Variants in WNT3A observed in about 807,000 individuals in gnomAD.
WNT3A encodes Wnt family member 3A.
Under a neutral mutation model 37.0 loss-of-function variants are expected in WNT3A, and 17 were observed. The ratio of observed to expected loss-of-function variants is 0.46; its 90% CI spans 0.31 to 0.69. WNT3A has a LOEUF of 0.69. Among genes scored for constraint, WNT3A ranks in the 30% least tolerant of loss-of-function variants. The pLI is 0.05. For synonymous variants in WNT3A, 187 were observed against 211.0 expected, an observed-to-expected ratio of 0.89 and a Z score of 0.99; for missense variants, 411 against 510.2, an observed-to-expected ratio of 0.81 and a Z score of 1.87.
intron 2 of WNT3A, among the ~76,000 whole-genome samples, chr1:228,034,107 C>A (rs2031081311): frequency 6.6e-6 from 1 of 151,990 alleles, no homozygotes; most frequent in Non-Finnish European, 1.5e-5. Flanking sequence ...ACTAAAAATA[C>A]AAAAATTAGC....
At chr1:228,041,613 C>T (rs1357516442) in intron 2 of WNT3A, among the ~76,000 whole-genome samples, 8 of 152,130 alleles carry the variant, frequency 5.3e-5, no homozygotes, top group Admixed American at 5.2e-4. Context: ...CATCTATCCA[C>T]CCACCCATCC....
At position 228,059,929 on chromosome 1, in the gene WNT3A, C is replaced by T; in HGVS notation, c.*464C>T. 1 of 1,086,116 alleles carries T rather than the reference C, an allele frequency of 9.2e-7. No homozygotes were observed. The highest frequency in any genetic ancestry group is 1.1e-6 in the Non-Finnish European group (1 of 888,042). The allele number at this position is 1,086,116 out of a possible 1,614,324, so 67.3% of individuals were successfully genotyped here. A position where few individuals can be genotyped will look rare whatever the true frequency, so the allele number is the denominator to read the frequency against. On this transcript the variant is annotated 3_prime_UTR_variant, in exon 4 of 4. Transcript: ENST00000284523. ...GGCGGGGCTCTAGGATGGGGCACGG[C>T]TCTGGGGTAGGCTGCTCCCTGAGGG...
chr1:228,055,179 A>AT (rs1409014407), intron 3 of WNT3A, among the ~76,000 whole-genome samples: 14 of 19,186 alleles, frequency 7.3e-4, no homozygotes, highest in Non-Finnish European at 9.5e-4. Context: ...AAAAAAAAAA[A>AT]ATATATATAT....
chr1:228,018,184 C>T (rs1474530439), intron 1 of WNT3A, among the ~76,000 whole-genome samples: 1 of 152,146 alleles, frequency 6.6e-6, no homozygotes, highest in Non-Finnish European at 1.5e-5. Flanking sequence ...CAGAGCCCCT[C>T]CCCCACTCAC....
intron 1 of WNT3A, among the ~76,000 whole-genome samples, chr1:228,016,689 A>G (rs530069510): frequency 6.6e-6 from 1 of 152,328 alleles, no homozygotes; most frequent in South Asian, 2.1e-4. Flanking sequence ...CTGGAAAGAA[A>G]AAAGGTTTAA....
intron 2 of WNT3A, among the ~76,000 whole-genome samples, chr1:228,035,846 G>A (rs947631): frequency 3.3e-5 from 5 of 152,094 alleles, no homozygotes; most frequent in Admixed American, 2.0e-4. Flanking sequence ...CTCCTTCTCC[G>A]CTTCTCTGAT....
Position 228,008,289 on chromosome 1 carries a change from C to T in WNT3A, c.71+1090C>T, listed in dbSNP as rs1056683258. On this transcript the variant is annotated intron_variant, in intron 1 of 3. Transcript: ENST00000284523. This position sits in a 1 kb window ranked among gnomAD's most constrained non-coding sequence, Gnocchi z 4.9. ...AGCATGCACACTCCCCCCCATCCTT[C>T]TCCGACGGCAGCCTGGAATTATAAT... is the stretch of plus-strand genomic sequence containing the variant. 3.3e-5 allele frequency among the ~76,000 whole-genome samples: 5 copies of T among 152,228 alleles called. No homozygotes were observed. The highest frequency in any genetic ancestry group is 5.9e-5 in the Non-Finnish European group (4 of 68,038).
intron 1 of WNT3A, 142 bp from the exon 2 acceptor site, chr1:228,022,525 T>C: frequency 8.9e-7 from 1 of 1,119,922 alleles, no homozygotes; most frequent in South Asian, 1.9e-5. Flanking sequence ...ACTTGCAAAA[T>C]AAAAAATCAG....
Position 228,059,423 on chromosome 1 carries a change from C to T in WNT3A, c.1017C>T (p.Cys339=), listed in dbSNP as rs773895233. ...CVFHWCCYVS[C]QECTRVYDVH... ...TCCACTGGTGCTGCTACGTCAGCTGCCAGGAGTGCACGCGCGTCTACGACG... is the reference window on the plus strand; with the variant it reads ...TCCACTGGTGCTGCTACGTCAGCTGTCAGGAGTGCACGCGCGTCTACGACG... The change falls in exon 4 of 4, where the codon TGC becomes TGT. Residue 339 remains cysteine (C), a synonymous_variant. Coordinates refer to ENST00000284523, the MANE Select transcript of WNT3A (RefSeq NM_033131.4). 1.9e-6 allele frequency: 3 copies of T among 1,543,836 alleles called. No individual in the cohort carries two copies. The South Asian group carries it at 3.7e-5, about 19-fold the overall frequency.
At chr1:228,009,337 A>T (rs1299048559) in intron 1 of WNT3A, among the ~76,000 whole-genome samples, 4 of 152,182 alleles carry the variant, frequency 2.6e-5, no homozygotes, top group African/African-American at 7.2e-5. Context: ...TCACAGAAGG[A>T]CGCAGTGCTG....
chr1:228,022,093 G>GA (rs1305726089), intron 1 of WNT3A, among the ~76,000 whole-genome samples: 1 of 152,154 alleles, frequency 6.6e-6, no homozygotes, highest in Admixed American at 6.5e-5. Flanking sequence ...AAAACATCTA[G>GA]AAAAAATTAA....
Position 228,037,568 on chromosome 1 carries a change from T to C in WNT3A, c.314-13088T>C, listed in dbSNP as rs1253152328. Among the ~76,000 whole-genome samples the C allele has an allele frequency of 6.6e-6, 1 of 152,066 alleles. No individual in the cohort carries two copies. Among genetic ancestry groups the C allele is most frequent in the Non-Finnish European group, 1.5e-5 (1 of 67,982 alleles). The stretch of plus-strand genomic sequence containing the variant: ...GGGGTGGGGCCTGCCTGCTAGGACA[T>C]GGGGACACACAGGGCAGCTCTTTAG... On this transcript the variant is annotated intron_variant, in intron 2 of 3. Coordinates refer to ENST00000284523, the MANE Select transcript of WNT3A (RefSeq NM_033131.4). This position sits in a 1 kb window ranked among gnomAD's most constrained non-coding sequence, Gnocchi z 4.1.
chr1:228,021,917 C>T (rs983208549), intron 1 of WNT3A, among the ~76,000 whole-genome samples: 1 of 152,194 alleles, frequency 6.6e-6, no homozygotes, highest in Non-Finnish European at 1.5e-5. Flanking sequence ...GTGAACGGGG[C>T]CCATGCAGTT....
chr1:228,010,261 T>C (rs865909949), intron 1 of WNT3A, among the ~76,000 whole-genome samples: 5 of 152,186 alleles, frequency 3.3e-5, no homozygotes, highest in African/African-American at 1.2e-4. Context: ...CTTCTTCCCA[T>C]GTCTGGGTTA....
rs1173525337 is a variant in WNT3A, at chr1:228,037,037, G to T, written c.314-13619G>T. The stretch of plus-strand genomic sequence containing the variant: ...GGAGTCCCCCCGGGCCCTGGCACCT[G>T]CCAGATAGGTCGGGGGGAGTGGAGT... On this transcript the variant is annotated intron_variant, in intron 2 of 3. Transcript: ENST00000284523. The surrounding 1 kb of genome is among the most constrained non-coding windows in gnomAD (Gnocchi z 4.1). 6.6e-6 allele frequency among the ~76,000 whole-genome samples: 1 copy of T among 152,144 alleles called. No homozygotes were observed. The highest frequency in any genetic ancestry group is 1.5e-5 in the Non-Finnish European group (1 of 67,996).
Position 228,050,842 on chromosome 1 carries a change from G to A in WNT3A, c.500G>A (p.Arg167Gln), listed in dbSNP as rs1208275108. ...EDIEFGGMVS[R>Q]EFADARENRP... ...ATCGAGTTTGGTGGGATGGTGTCTCGGGAGTTCGCCGACGCCCGGGAGAAC... is the reference window on the plus strand; with the variant it reads ...ATCGAGTTTGGTGGGATGGTGTCTCAGGAGTTCGCCGACGCCCGGGAGAAC... The change falls in exon 3 of 4, where the codon CGG becomes CAG. Residue 167 changes from arginine (R) to glutamine (Q), a missense_variant. Physicochemically the swap from Arg to Gln is conservative, Grantham distance 43 (BLOSUM62 1). Coordinates refer to ENST00000284523, the MANE Select transcript of WNT3A (RefSeq NM_033131.4). This position sits in a 1 kb window ranked among gnomAD's most constrained non-coding sequence, Gnocchi z 5.0. 28 of 1,603,408 alleles carry A rather than the reference G, an allele frequency of 1.7e-5. No homozygotes were observed. The highest frequency in any genetic ancestry group is 1.7e-4 in the Middle Eastern group (1 of 6,000).
At chr1:228,025,450 G>A (rs887656972) in intron 2 of WNT3A, among the ~76,000 whole-genome samples, 2 of 151,972 alleles carry the variant, frequency 1.3e-5, no homozygotes, top group African/African-American at 4.8e-5. Flanking sequence ...CCAGGTTCAA[G>A]CGATCCTCCT....
Position 228,007,086 on chromosome 1 carries a change from T to G in WNT3A, c.-43T>G. The G allele has an allele frequency of 6.9e-7, 1 of 1,459,736 alleles. No homozygotes were observed. The allele number at this position is 1,459,736 out of a possible 1,614,324, so 90.4% of individuals were successfully genotyped here. Reference sequence around the variant, plus strand: ...GCCCGGCCCCCCCCGGCGCTCACGCTCTCGGGGCGGACTCCCGGCCCTCCG... The same window carrying G: ...GCCCGGCCCCCCCCGGCGCTCACGCGCTCGGGGCGGACTCCCGGCCCTCCG... On this transcript the variant is annotated 5_prime_UTR_variant, in exon 1 of 4. Coordinates refer to ENST00000284523, the MANE Select transcript of WNT3A (RefSeq NM_033131.4). This position sits in a 1 kb window ranked among gnomAD's most constrained non-coding sequence, Gnocchi z 6.0.
chr1:228,035,996 A>G (rs1263851565), intron 2 of WNT3A, among the ~76,000 whole-genome samples: 1 of 152,188 alleles, frequency 6.6e-6, no homozygotes, highest in African/African-American at 2.4e-5. Context: ...GGACTCAGAA[A>G]TGCTTGGAGT....
Sources: allele counts gnomAD v4.1 joint callset (sites outside exome capture counted in the v4.1 genomes callset), GRCh38; gene constraint gnomAD v4.1.1; non-coding constraint Gnocchi (gnomAD v3.1); transcripts MANE v1.5; gene names NCBI Gene and HGNC (gene_info 2026-07-23, HGNC 2026-07-21).